ABCC3: variants seen among roughly 807,000 people sequenced by gnomAD.
The protein encoded by ABCC3 is ATP-binding cassette sub-family C member 3.
ABCC3 carries 121 observed loss-of-function variants against 165.3 expected under a neutral mutation model. The ratio of observed to expected loss-of-function variants is 0.73; its 90% confidence interval spans 0.63 to 0.85. The LOEUF (loss-of-function observed/expected upper bound fraction) is 0.85. Among genes scored for constraint, ABCC3 ranks in the 40% least tolerant of loss-of-function variants. The probability of loss-of-function intolerance (pLI) is 0.00; values close to 1 mark genes in which losing one functional copy is unlikely to be tolerated. For synonymous variants in ABCC3, 733 were observed against 810.1 expected, an observed-to-expected ratio of 0.90 and a Z score of 1.62; for missense variants, 1,869 against 1,964.1, an observed-to-expected ratio of 0.95 and a Z score of 0.92.
At chr17:50,660,828 C>T in intron 7 of ABCC3, 95 bp from the exon 8 acceptor site, 4 of 1,084,874 alleles carry the variant, frequency 3.7e-6, no homozygotes, top group East Asian at 2.5e-5. Flanking sequence ...ACAGCTCCTT[C>T]CTCCTCCTCA....
Position 50,687,614 on chromosome 17 carries a change from A to G in ABCC3, c.4359A>G (p.Thr1453=), listed in dbSNP as rs1968046539. 7 of 1,614,148 alleles carry G rather than the reference A, an allele frequency of 4.3e-6. No individual in the cohort carries two copies. Among genetic ancestry groups the G allele is most frequent in the Admixed American group, 1.7e-5 (1 of 60,012 alleles). Residue 1453 remains threonine (T), a synonymous_variant, in exon 30 of 31, where the codon ACA becomes ACG. Coordinates refer to ENST00000285238, the MANE Select transcript of ABCC3 (RefSeq NM_003786.4). ...KSRILVLDEA[T]AAIDLETDNL... ...GCATCCTGGTTTTAGACGAGGCCAC[A>G]GCTGCCATCGACCTGGAGACTGACA...
chr17:50,636,421 G>A (rs1196740843), intron 1 of ABCC3, among the ~76,000 whole-genome samples: 1 of 151,936 alleles, frequency 6.6e-6, no homozygotes, highest in Non-Finnish European at 1.5e-5. Context: ...TTTTCTGTGG[G>A]TGACCCAAAG....
At chr17:50,657,008 G>A in intron 3 of ABCC3, 38 bp from the exon 4 acceptor site, 2 of 1,602,600 alleles carry the variant, frequency 1.2e-6, no homozygotes, top group Non-Finnish European at 1.7e-6. Context: ...GTCCAGATGT[G>A]TGTGTTCTGC....
In ABCC3 at chr17:50,669,412, GT is replaced by G; in HGVS notation, c.2126del (p.Val709GlyfsTer7). 1 of 1,614,252 alleles carries G rather than the reference GT, an allele frequency of 6.2e-7. No homozygotes were observed. Among genetic ancestry groups the G allele is most frequent in the Non-Finnish European group, 8.5e-7 (1 of 1,180,044 alleles). On this transcript the variant is annotated frameshift_variant, in exon 17 of 31. Transcript: ENST00000285238. LOFTEE classifies it high-confidence loss of function. ...CCAGAACTGCACTCTTCAGGAAAACGTGCTTTTCGGCAAAGCCCTGAACCCC... is the reference window on the plus strand; with the variant it reads ...CCAGAACTGCACTCTTCAGGAAAACGGCTTTTCGGCAAAGCCCTGAACCCC... ...WIQNCTLQEN[V>X]LFGKALNPKR...
intron 1 of ABCC3, chr17:50,643,730 A>C (rs930040096): frequency 9.3e-6 from 4 of 431,426 alleles, no homozygotes; most frequent in African/African-American, 2.0e-5. Flanking sequence ...AAGTGGTAAA[A>C]AGAGGGACTA....
Position 50,669,520 on chromosome 17 carries a change from G to A in ABCC3, c.2233G>A (p.Gly745Arg). Reference sequence around the variant, plus strand: ...GCCTGGTGGGGATCAGACAGAGATTGGAGAGAAGGTACAGAGTCCTCTTCC... The same window carrying A: ...GCCTGGTGGGGATCAGACAGAGATTAGAGAGAAGGTACAGAGTCCTCTTCC... ...MLPGGDQTEI[G>R]EKGINLSGGQ... is the part of the protein sequence containing the mutation. Residue 745 changes from glycine (G) to arginine (R), a missense_variant, in exon 17 of 31, where the codon GGA becomes AGA. Gly to Arg is a moderately radical substitution (Grantham distance 125). Transcript: ENST00000285238. 1 of 1,614,184 alleles carries A rather than the reference G, an allele frequency of 6.2e-7. No individual in the cohort carries two copies. The highest frequency in any genetic ancestry group is 8.5e-7 in the Non-Finnish European group (1 of 1,180,008).
At position 50,668,483 on chromosome 17, in the gene ABCC3, C is replaced by A. The variant is rs376969333; in HGVS notation, c.1836C>A (p.Asp612Glu). ...AATTCCTGAGCCAAGAGGAACTTGACCCCCAGAGTGTGGAAAGAAAGACCA... is the reference window on the plus strand; with the variant it reads ...AATTCCTGAGCCAAGAGGAACTTGAACCCCAGAGTGTGGAAAGAAAGACCA... ...IQQFLSQEEL[D>E]PQSVERKTIS... The change falls in exon 14 of 31, where the codon GAC becomes GAA. Residue 612 changes from aspartate (D) to glutamate (E), a missense_variant. Physicochemically the swap from Asp to Glu is conservative, Grantham distance 45. Coordinates refer to ENST00000285238, the MANE Select transcript of ABCC3 (RefSeq NM_003786.4). 2.5e-6 allele frequency: 4 copies of A among 1,613,984 alleles called. No individual in the cohort carries two copies. The highest frequency in any genetic ancestry group is 3.4e-6 in the Non-Finnish European group (4 of 1,179,926).
In ABCC3 at chr17:50,675,614, A is replaced by G; in HGVS notation, c.2715-17A>G. 6.4e-7 allele frequency: 1 copy of G among 1,561,600 alleles called. No individual in the cohort carries two copies. Among genetic ancestry groups the G allele is most frequent in the Non-Finnish European group, 8.7e-7 (1 of 1,152,734 alleles). On this transcript the variant is annotated splice_polypyrimidine_tract_variant and intron_variant, in intron 20 of 30. Coordinates refer to ENST00000285238, the MANE Select transcript of ABCC3 (RefSeq NM_003786.4). Reference sequence around the variant, plus strand: ...GCTTGAGGCCCCCTCCCTGGGCCTGACCAGCTGCCTCCACAGACAGCTGAG... The same window carrying G: ...GCTTGAGGCCCCCTCCCTGGGCCTGGCCAGCTGCCTCCACAGACAGCTGAG...
chr17:50,645,218 A>G (rs1010030240), intron 1 of ABCC3, among the ~76,000 whole-genome samples: 4 of 149,552 alleles, frequency 2.7e-5, no homozygotes, highest in African/African-American at 9.9e-5. Flanking sequence ...AAAAAAAAAG[A>G]AAGAAATTAA....
At chr17:50,649,962 A>G (rs575722561) in intron 1 of ABCC3, among the ~76,000 whole-genome samples, 2 of 152,320 alleles carry the variant, frequency 1.3e-5, no homozygotes, top group Admixed American at 1.3e-4. Flanking sequence ...AGCACAGGAA[A>G]TTATCTGGGT....
chr17:50,688,649 G>A (rs1968065954), intron 30 of ABCC3, among the ~76,000 whole-genome samples: 1 of 152,158 alleles, frequency 6.6e-6, no homozygotes, highest in African/African-American at 2.4e-5. Context: ...CACTTTGGGA[G>A]GCCAAGGAGG....
At chr17:50,638,125 T>C (rs1018634246) in intron 1 of ABCC3, among the ~76,000 whole-genome samples, 1 of 152,162 alleles carries the variant, frequency 6.6e-6, no homozygotes, top group African/African-American at 2.4e-5. Context: ...AAGAGTGAAC[T>C]GTGTAATTAA....
intron 1 of ABCC3, among the ~76,000 whole-genome samples, chr17:50,652,767 G>A (rs1373810350): frequency 6.6e-6 from 1 of 152,250 alleles, no homozygotes; most frequent in East Asian, 1.9e-4. Context: ...GCACCTGCCT[G>A]AGGCTTTTAA....
intron 29 of ABCC3, among the ~76,000 whole-genome samples, chr17:50,686,219 A>G (rs1355556883): frequency 6.6e-6 from 1 of 152,248 alleles, no homozygotes; most frequent in African/African-American, 2.4e-5. Context: ...ACATTTGCCC[A>G]GCACTTAACA....
chr17:50,640,878 GC>G (rs751402966), intron 1 of ABCC3, among the ~76,000 whole-genome samples: 7 of 152,272 alleles, frequency 4.6e-5, no homozygotes, highest in Admixed American at 6.5e-5. Flanking sequence ...ACGTGTCCTT[GC>G]TCTCTCCACG....
intron 30 of ABCC3, 136 bp from the exon 31 acceptor site, chr17:50,690,956 C>T (rs375885968): frequency 7.9e-6 from 5 of 636,392 alleles, no homozygotes; most frequent in Admixed American, 2.6e-5. Flanking sequence ...CAAGTGTGCA[C>T]ATGTGGTGCG....
chr17:50,644,310 CA>C (rs57937379), intron 1 of ABCC3, among the ~76,000 whole-genome samples: 105 of 51,260 alleles, frequency 2.0e-3, no homozygotes, highest in South Asian at 6.2e-3. Flanking sequence ...GACTCCGTCT[CA>C]AAAAAAAAAA....
In ABCC3 at chr17:50,635,190, C is replaced by G. The variant is rs1339013917; in HGVS notation, c.45+209C>G. 7 of 613,466 alleles carry G rather than the reference C, an allele frequency of 1.1e-5. No homozygotes were observed. In the South Asian group the frequency reaches 1.5e-4, roughly 13 times the overall value. 38.0% of individuals were successfully genotyped at this position (613,466 alleles called of 1,614,324 possible). ...GTCCCACGCGGTGTCGGGGACCTGC[C>G]CTGCTCTGCCCTTCCCGGCTGCAGC... On this transcript the variant is annotated intron_variant, in intron 1 of 30. Coordinates refer to ENST00000285238, the MANE Select transcript of ABCC3 (RefSeq NM_003786.4).
In ABCC3 at chr17:50,675,742, A is replaced by G; in HGVS notation, c.2826A>G (p.Ala942=). The G allele has an allele frequency of 6.4e-7, 1 of 1,563,430 alleles. No individual in the cohort carries two copies. The highest frequency in any genetic ancestry group is 8.7e-7 in the Non-Finnish European group (1 of 1,153,580). ...TGACAGAGGCGAAGGCAGATGGGGC[A>G]CTGACCCAGGAGGAGAAAGCAGCCA... ...VQVTEAKADG[A]LTQEEKAAIG... Residue 942 remains alanine, a synonymous_variant, in exon 21 of 31, where the codon GCA becomes GCG. Transcript: ENST00000285238.
Sources: allele counts gnomAD v4.1 joint callset (sites outside exome capture counted in the v4.1 genomes callset), GRCh38; gene constraint gnomAD v4.1.1; transcripts MANE v1.5; gene names NCBI Gene and HGNC (gene_info 2026-07-23, HGNC 2026-07-21).